Variants in GPC6 observed in about 807,000 individuals in gnomAD.
The protein encoded by GPC6 is glypican-6.
In GPC6, 14 loss-of-function variants were observed where a neutral mutation model predicts 55.2. That is an observed-to-expected ratio of 0.25 (90% CI 0.17 to 0.40). The LOEUF is 0.40. Ranked by LOEUF, GPC6 falls within the 10% of genes least tolerant of loss-of-function variation. The probability of loss-of-function intolerance (pLI) is 1.00; values close to 1 mark genes in which losing one functional copy is unlikely to be tolerated. For synonymous variants in GPC6, 278 were observed against 259.6 expected (o/e 1.07, Z -0.68); for missense variants, 641 against 708.5 (o/e 0.90, Z 1.08).
intron 1 of GPC6, among the ~76,000 whole-genome samples, chr13:93,247,789 C>G (rs954991772): frequency 6.6e-6 from 1 of 152,080 alleles, no homozygotes; most frequent in African/African-American, 2.4e-5. Context: ...TAAAATATAA[C>G]TTGGAAATGT....
At chr13:93,435,318 G>A (rs1241428546) in intron 1 of GPC6, among the ~76,000 whole-genome samples, 2 of 151,806 alleles carry the variant, frequency 1.3e-5, no homozygotes, top group Admixed American at 6.6e-5. Flanking sequence ...TTTTTGCTGT[G>A]TTGCCCAGGC....
chr13:93,603,014 CT>C (rs142782481), intron 2 of GPC6, among the ~76,000 whole-genome samples: 41,499 of 150,858 alleles, frequency 0.28, 6,639 homozygotes, highest in Non-Finnish European at 0.37. Context: ...TTCTTTCTTT[CT>C]TTTTTTGTTT....
chr13:94,131,176 GT>G (rs2138866130), intron 4 of GPC6, among the ~76,000 whole-genome samples: 1 of 152,138 alleles, frequency 6.6e-6, no homozygotes, highest in East Asian at 1.9e-4. Context: ...CTTACCATAT[GT>G]TTAAAATTAT....
chr13:93,799,773 A>T (rs531993161), intron 2 of GPC6, among the ~76,000 whole-genome samples: 29 of 152,316 alleles, frequency 1.9e-4, no homozygotes, highest in African/African-American at 6.7e-4. Context: ...TGTAAACCAA[A>T]GTCTGACCTT....
At chr13:93,286,513 T>C (rs1878132361) in intron 1 of GPC6, among the ~76,000 whole-genome samples, 1 of 152,200 alleles carries the variant, frequency 6.6e-6, no homozygotes, top group South Asian at 2.1e-4. Context: ...CTAACACATC[T>C]TGTAAAATGT....
At chr13:94,123,267 C>T (rs1395558435) in intron 4 of GPC6, among the ~76,000 whole-genome samples, 1 of 151,934 alleles carries the variant, frequency 6.6e-6, no homozygotes. Context: ...TAAATTAAGT[C>T]TGAGCTATAA....
At chr13:94,308,080 AC>A in intron 6 of GPC6, among the ~76,000 whole-genome samples, 1 of 152,234 alleles carries the variant, frequency 6.6e-6, no homozygotes, top group Non-Finnish European at 1.5e-5. Flanking sequence ...AGAACTGGGT[AC>A]ATTTTGCACT....
intron 3 of GPC6, among the ~76,000 whole-genome samples, chr13:93,835,173 G>T (rs79100339): frequency 0.012 from 1,897 of 152,256 alleles, 32 homozygotes; most frequent in African/African-American, 0.043. Flanking sequence ...GTGACTTCTG[G>T]CATGGCATGG....
At chr13:94,073,038 T>A (rs900226631) in intron 4 of GPC6, among the ~76,000 whole-genome samples, 2 of 152,118 alleles carry the variant, frequency 1.3e-5, no homozygotes, top group African/African-American at 2.4e-5. Flanking sequence ...AAAAAGATTA[T>A]CTTTATGTTA....
chr13:94,331,386 C>G (rs1397924565), intron 6 of GPC6, among the ~76,000 whole-genome samples: 4 of 152,098 alleles, frequency 2.6e-5, no homozygotes, highest in African/African-American at 9.7e-5. Flanking sequence ...CCCTGATTTA[C>G]AGCAACCCCT....
chr13:93,790,248 T>C (rs11838660), intron 2 of GPC6, among the ~76,000 whole-genome samples: 1,533 of 152,296 alleles, frequency 0.01, 21 homozygotes, highest in African/African-American at 0.035. Flanking sequence ...TGAGTGCCAT[T>C]CAATTCATAA....
chr13:93,873,891 G>C (rs578093919), intron 3 of GPC6, among the ~76,000 whole-genome samples: 1 of 151,758 alleles, frequency 6.6e-6, no homozygotes, highest in Non-Finnish European at 1.5e-5. Flanking sequence ...ACTCTGACAC[G>C]TCTGCCTTCA....
chr13:93,770,365 C>T (rs893355061), intron 2 of GPC6, among the ~76,000 whole-genome samples: 10 of 152,048 alleles, frequency 6.6e-5, no homozygotes, highest in African/African-American at 2.4e-4. Context: ...CTCTTTAGGT[C>T]CAAAGGTATT....
At chr13:93,934,306 GA>G (rs1178531605) in intron 3 of GPC6, among the ~76,000 whole-genome samples, 1 of 151,892 alleles carries the variant, frequency 6.6e-6, no homozygotes, top group Non-Finnish European at 1.5e-5. Flanking sequence ...ACTTAGTATG[GA>G]AAAAAGAATA....
At chr13:93,996,821 A>C (rs531551477) in intron 3 of GPC6, among the ~76,000 whole-genome samples, 1 of 152,294 alleles carries the variant, frequency 6.6e-6, no homozygotes, top group East Asian at 1.9e-4. Flanking sequence ...GGAAGTTCGT[A>C]GGCTTGTCAC....
intron 3 of GPC6, among the ~76,000 whole-genome samples, chr13:93,985,414 G>A (rs1271627399): frequency 6.6e-6 from 1 of 151,916 alleles, no homozygotes. Context: ...TCCAGCCCGG[G>A]CAACAGAGCA....
At chr13:93,465,464 T>C (rs947053401) in intron 1 of GPC6, among the ~76,000 whole-genome samples, 1 of 152,222 alleles carries the variant, frequency 6.6e-6, no homozygotes, top group African/African-American at 2.4e-5. Context: ...CCTTGCACTT[T>C]TATTTTATGG....
chr13:93,855,434 A>G (rs915038985), intron 3 of GPC6, among the ~76,000 whole-genome samples: 7 of 151,824 alleles, frequency 4.6e-5, no homozygotes, highest in Admixed American at 3.9e-4. Flanking sequence ...TCATCTACGG[A>G]AGGATATCTT....
At chr13:94,006,430 A>G (rs1364377726) in intron 3 of GPC6, among the ~76,000 whole-genome samples, 3 of 152,296 alleles carry the variant, frequency 2.0e-5, no homozygotes, top group Admixed American at 2.0e-4. Flanking sequence ...AGGAAAGCAG[A>G]TGCGCTCCTC....
Sources: gnomAD v4.1 joint callset for allele counts (sites outside exome capture counted in the v4.1 genomes callset) on GRCh38, gnomAD v4.1.1 for gene constraint, MANE v1.5 for transcripts, NCBI Gene and HGNC (gene_info 2026-07-23, HGNC 2026-07-21) for gene names.